The following SYCP2 variants were observed in gnomAD, a reference collection of about 807,000 sequenced individuals.
SYCP2 encodes synaptonemal complex protein 2.
A neutral mutation model predicts 211.3 loss-of-function variants in SYCP2; 55 were observed. That is an observed-to-expected ratio of 0.26 (90% CI 0.21 to 0.33). SYCP2 has a LOEUF of 0.33. Among genes scored for constraint, SYCP2 ranks in the 10% least tolerant of loss-of-function variants. The pLI is 1.00. For missense variants in SYCP2, 1,731 were observed against 1,752.0 expected, an observed-to-expected ratio of 0.99 and a Z score of 0.21; for synonymous variants, 570 against 555.2, an observed-to-expected ratio of 1.03 and a Z score of -0.37.
chr20:59,880,865 A>G (rs2059664240), intron 30 of SYCP2, 101 bp downstream of exon 30: 1 of 590,802 alleles, frequency 1.7e-6, no homozygotes, highest in Non-Finnish European at 2.8e-6. Flanking sequence ...CATAAATAAA[A>G]CAATCAAAAT....
intron 2 of SYCP2, among the ~76,000 whole-genome samples, chr20:59,927,238 G>A (rs775609091): frequency 6.6e-6 from 1 of 152,118 alleles, no homozygotes; most frequent in Non-Finnish European, 1.5e-5. Flanking sequence ...TCAGTCCTTG[G>A]TCTTTAACTT....
At chr20:59,896,005 TAAATG>T (rs2060000191) in intron 19 of SYCP2, among the ~76,000 whole-genome samples, 1 of 152,078 alleles carries the variant, frequency 6.6e-6, no homozygotes, top group South Asian at 2.1e-4. Context: ...GGTAACTTAT[TAAATG>T]AGTGATTTTT....
intron 39 of SYCP2, 86 bp from the exon 40 acceptor site, chr20:59,866,675 G>T: frequency 1.1e-6 from 1 of 879,900 alleles, no homozygotes; most frequent in Non-Finnish European, 1.7e-6. Flanking sequence ...AATTTTCCAC[G>T]AAATGTAAAT....
chr20:59,895,887 T>C (rs970080016), intron 19 of SYCP2, among the ~76,000 whole-genome samples: 2 of 152,136 alleles, frequency 1.3e-5, no homozygotes, highest in African/African-American at 4.8e-5. Flanking sequence ...AGAAGGTCAA[T>C]GTTAAGTTGT....
Position 59,868,849 on chromosome 20 carries a change from G to A in SYCP2, c.3818C>T (p.Ala1273Val), listed in dbSNP as rs547397884. The A allele has an allele frequency of 6.2e-7, 1 of 1,608,278 alleles. No individual in the cohort carries two copies. Among genetic ancestry groups the A allele is most frequent in the South Asian group, 1.1e-5 (1 of 90,432 alleles). Residue 1273 changes from alanine to valine, a missense_variant, in exon 37 of 45, where the codon GCT becomes GTT. Physicochemically the swap from Ala to Val is moderately conservative, Grantham distance 64 (BLOSUM62 0). Around this residue, in one of 3 missense-constraint regions of SYCP2, gnomAD observed 1,387 missense variants for 1,351.3 expected, o/e 1.03. Transcript: ENST00000357552. ...EKTWFDMPCD[A>V]THVSGPTQHL... ...TGACTACAAACCTGATACATGAGTA[G>A]CATCACAGGGCATGTCAAACCACGT...
chr20:59,914,965 T>C (rs1342478316), intron 10 of SYCP2, among the ~76,000 whole-genome samples, 200 bp downstream of exon 10: 2 of 152,022 alleles, frequency 1.3e-5, no homozygotes, highest in Non-Finnish European at 2.9e-5. Context: ...AGGCACAAAT[T>C]GTATGTATCT....
At chr20:59,913,861 A>C (rs1182023793) in intron 12 of SYCP2, 114 bp downstream of exon 12, 2 of 686,284 alleles carry the variant, frequency 2.9e-6, no homozygotes, top group Non-Finnish European at 4.6e-6. Flanking sequence ...TCTACACTCC[A>C]ACATAGTGTA....
In SYCP2 at chr20:59,878,095, C is replaced by T. The variant is rs540895765; in HGVS notation, c.2942-50G>A. 9.1e-6 allele frequency: 11 copies of T among 1,212,618 alleles called. No individual in the cohort carries two copies. The East Asian group carries it at 2.4e-4, about 26-fold the overall frequency. 75.1% of individuals were successfully genotyped at this position (1,212,618 alleles called of 1,614,324 possible). On this transcript the variant is annotated intron_variant, in intron 31 of 44. Transcript: ENST00000357552. ...AATTTTCACAGTAAATAAGAATAGG[C>T]ATTAAATTTATTAGAACATCATTTC... is the stretch of plus-strand genomic sequence containing the variant.
In SYCP2 at chr20:59,914,159, C is replaced by T; in HGVS notation, c.727G>A (p.Asp243Asn). Residue 243 changes from aspartate to asparagine, a missense_variant, in exon 11 of 45, where the codon GAT becomes AAT. Physicochemically the swap from Asp to Asn is conservative, Grantham distance 23. Transcript: ENST00000357552. ...QELAHQWFSM[D>N]FIAKAFKRIK... Reference sequence around the variant, plus strand: ...CTTTTAAATGCCTTAGCAATAAAATCCATTGAAAACCACTGATGTGCCAGT... The same window carrying T: ...CTTTTAAATGCCTTAGCAATAAAATTCATTGAAAACCACTGATGTGCCAGT... The T allele has an allele frequency of 1.2e-6, 2 of 1,604,896 alleles. No homozygotes were observed. The highest frequency in any genetic ancestry group is 8.5e-7 in the Non-Finnish European group (1 of 1,173,914).
intron 38 of SYCP2, among the ~76,000 whole-genome samples, chr20:59,868,177 C>T (rs138238129): frequency 1.4e-3 from 215 of 151,762 alleles, no homozygotes; most frequent in African/African-American, 5.0e-3. Flanking sequence ...TAAATTCATA[C>T]TCTAGTTAAC....
At chr20:59,899,978 A>G in intron 18 of SYCP2, 160 bp downstream of exon 18, 1 of 753,834 alleles carries the variant, frequency 1.3e-6, no homozygotes, top group Non-Finnish European at 2.2e-6. Flanking sequence ...GACACACACT[A>G]TCTTTTGTTT....
At position 59,874,002 on chromosome 20, in the gene SYCP2, T is replaced by A; in HGVS notation, c.3409A>T (p.Ile1137Leu). Residue 1137 changes from isoleucine (I) to leucine (L), a missense_variant, in exon 35 of 45, where the codon ATA becomes TTA. Transcript: ENST00000357552. ...TQDYDCITKS[I>L]SPYPKTSSLE... is the part of the protein sequence containing the mutation. ...GATGAAGTTTTTGGATAAGGTGATA[T>A]AGATTTTGTTATGCAGTCATAATCC... The A allele has an allele frequency of 6.2e-7, 1 of 1,612,694 alleles. No homozygotes were observed. The highest frequency in any genetic ancestry group is 8.5e-7 in the Non-Finnish European group (1 of 1,179,112).
At chr20:59,916,974 A>G (rs1316594450) in intron 7 of SYCP2, among the ~76,000 whole-genome samples, 1 of 152,162 alleles carries the variant, frequency 6.6e-6, no homozygotes, top group Non-Finnish European at 1.5e-5. Context: ...AGTTCAGAAG[A>G]AGGCCCACCA....
At chr20:59,885,099 T>C (rs988740331) in intron 26 of SYCP2, 13 of 152,048 alleles carry the variant, frequency 8.5e-5, no homozygotes, top group Non-Finnish European at 1.0e-4. Flanking sequence ...TAGGAAAGAC[T>C]TACTTCAGGA....
chr20:59,929,895 T>C (rs777879494), intron 2 of SYCP2, among the ~76,000 whole-genome samples: 2 of 151,972 alleles, frequency 1.3e-5, no homozygotes, highest in Non-Finnish European at 2.9e-5. Context: ...AAGCATGGTG[T>C]CTAGACTGAG....
rs574313061 is a variant in SYCP2 at position 59,885,423 on chromosome 20, T to C, written c.2529+505A>G. ...GAACCGAAACTGGGCTAATAGGAGT[T>C]GGCCTCGACAGGGGAGAAAACATTC... On this transcript the variant is annotated intron_variant, in intron 26 of 44. Transcript: ENST00000357552. Among the ~76,000 whole-genome samples the C allele has an allele frequency of 3.3e-5, 5 of 152,240 alleles. No homozygotes were observed. In the South Asian group the frequency reaches 8.3e-4, roughly 25 times the overall value.
At chr20:59,920,772 C>T (rs1251500662) in intron 4 of SYCP2, among the ~76,000 whole-genome samples, 1 of 151,524 alleles carries the variant, frequency 6.6e-6, no homozygotes, top group East Asian at 1.9e-4. Flanking sequence ...TTCTAAAAAG[C>T]TCCATGTATT....
intron 4 of SYCP2, 81 bp from the exon 5 acceptor site, chr20:59,920,568 A>G (rs933098588): frequency 1.2e-5 from 14 of 1,122,534 alleles, no homozygotes; most frequent in Middle Eastern, 2.1e-4. Context: ...TGTTACACAT[A>G]TATTTTAATC....
At chr20:59,893,456 TG>T in intron 21 of SYCP2, 67 bp downstream of exon 21, 6 of 1,011,092 alleles carry the variant, frequency 5.9e-6, no homozygotes, top group Non-Finnish European at 7.5e-6. Context: ...TGGGGTTAAA[TG>T]GTAATACAGG....
Sources: gnomAD v4.1 joint callset for allele counts (sites outside exome capture counted in the v4.1 genomes callset) on GRCh38, gnomAD v4.1.1 for gene constraint, gnomAD v4.1.1 regional missense constraint, MANE v1.5 for transcripts, NCBI Gene and HGNC (gene_info 2026-07-23, HGNC 2026-07-21) for gene names.